BRD4: variants seen among roughly 807,000 people sequenced by gnomAD.
BRD4 encodes the protein bromodomain-containing protein 4.
In BRD4, 16 loss-of-function variants were observed where a neutral mutation model predicts 142.1. The observed-to-expected ratio is 0.11, with a 90% CI of 0.08 to 0.17. BRD4 has a LOEUF of 0.17. BRD4 is among the 10% of genes least tolerant of loss of function. The pLI is 1.00. For missense variants in BRD4, 1,424 were observed against 1,810.9 expected (o/e 0.79, Z 3.88); for synonymous variants, 833 against 707.5 (o/e 1.18, Z -2.82).
intron 11 of BRD4, among the ~76,000 whole-genome samples, chr19:15,250,186 C>A (rs888000006): frequency 6.6e-6 from 1 of 152,226 alleles, no homozygotes; most frequent in Non-Finnish European, 1.5e-5. Flanking sequence ...CGCCCTCACC[C>A]GCCCATGAAG....
chr19:15,286,821 T>G (rs2047743639), intron 1 of BRD4, among the ~76,000 whole-genome samples: 1 of 152,198 alleles, frequency 6.6e-6, no homozygotes, highest in African/African-American at 2.4e-5. Flanking sequence ...AAGTAAAAAT[T>G]CATTTCCTCG....
At position 15,324,394 on chromosome 19, in the gene BRD4, T is replaced by C. The variant is rs189891636; in HGVS notation, c.-35+7896A>G. 2.0e-4 allele frequency among the ~76,000 whole-genome samples: 30 copies of C among 152,332 alleles called. No individual in the cohort carries two copies. The East Asian group carries it at 5.4e-3, about 27-fold the overall frequency. ...AAAAGGCAACCTTTGTGGAACCGGA[T>C]CCCAATGACGCCTAGTAAGTAACTG... On this transcript the variant is annotated intron_variant, in intron 1 of 19. Coordinates refer to ENST00000679869, the MANE Select transcript of BRD4 (RefSeq NM_001379291.1).
At chr19:15,309,778 T>C (rs978040528) in intron 1 of BRD4, among the ~76,000 whole-genome samples, 1 of 152,104 alleles carries the variant, frequency 6.6e-6, no homozygotes, top group Non-Finnish European at 1.5e-5. Context: ...AACCGGGTAG[T>C]GTGGCAATCA....
chr19:15,299,215 T>C (rs1366887042), intron 1 of BRD4, among the ~76,000 whole-genome samples: 2 of 152,126 alleles, frequency 1.3e-5, no homozygotes, highest in African/African-American at 4.8e-5. Flanking sequence ...GCCCCATCAC[T>C]CTATGAGAAG....
At chr19:15,278,728 A>C (rs1463489706) in intron 1 of BRD4, among the ~76,000 whole-genome samples, 1 of 152,084 alleles carries the variant, frequency 6.6e-6, no homozygotes, top group Non-Finnish European at 1.5e-5. Flanking sequence ...TCACAGAAAA[A>C]ACTGAGACGT....
chr19:15,300,279 C>T (rs1176599303), intron 1 of BRD4, among the ~76,000 whole-genome samples: 3 of 151,870 alleles, frequency 2.0e-5, no homozygotes, highest in East Asian at 1.9e-4. Context: ...ACCTATGTGT[C>T]GGCTGGGTGT....
In BRD4 at chr19:15,263,338, T is replaced by A. The variant is rs564751282; in HGVS notation, c.1341+82A>T. On this transcript the variant is annotated intron_variant, in intron 7 of 19. Coordinates refer to ENST00000679869, the MANE Select transcript of BRD4 (RefSeq NM_001379291.1). ...CAAGGAAAGTGACAGAAAAAAAAAC[T>A]CTGCCAAGGCCCACAGAAGTCTGCT... The A allele has an allele frequency of 8.6e-6, 13 of 1,504,568 alleles. No individual in the cohort carries two copies. The East Asian group carries it at 2.5e-4, about 29-fold the overall frequency. 93.2% of individuals were successfully genotyped at this position (1,504,568 alleles called of 1,614,324 possible).
intron 11 of BRD4, 101 bp from the exon 12 acceptor site, chr19:15,244,863 G>T: frequency 1.3e-6 from 2 of 1,590,316 alleles, no homozygotes; most frequent in Non-Finnish European, 8.5e-7. Flanking sequence ...TCAGGAGAAG[G>T]ACCAGTGACC....
At chr19:15,330,699 A>G (rs374923612) in intron 1 of BRD4, among the ~76,000 whole-genome samples, 1 of 152,306 alleles carries the variant, frequency 6.6e-6, no homozygotes, top group Admixed American at 6.5e-5. Flanking sequence ...CCCAGGAGGC[A>G]GAGGTTGCAG....
At chr19:15,280,710 A>G (rs1448290202) in intron 1 of BRD4, among the ~76,000 whole-genome samples, 1 of 152,192 alleles carries the variant, frequency 6.6e-6, no homozygotes, top group African/African-American at 2.4e-5. Flanking sequence ...ACAGCCCCTC[A>G]TGAAATCACA....
chr19:15,305,021 AT>A, intron 1 of BRD4, among the ~76,000 whole-genome samples: 1 of 142,658 alleles, frequency 7.0e-6, no homozygotes, highest in East Asian at 2.0e-4. Context: ...AATTAAGACC[AT>A]CTTTTTTTTT....
At chr19:15,296,066 C>T (rs1019761565) in intron 1 of BRD4, among the ~76,000 whole-genome samples, 4 of 152,090 alleles carry the variant, frequency 2.6e-5, no homozygotes, top group African/African-American at 9.7e-5. Context: ...CCATCCTGGC[C>T]AACATGGTGA....
chr19:15,306,351 C>A (rs970897086), intron 1 of BRD4, among the ~76,000 whole-genome samples: 5 of 152,186 alleles, frequency 3.3e-5, no homozygotes, highest in Non-Finnish European at 7.3e-5. Flanking sequence ...TCGCTGCAGC[C>A]TCAACCTCCT....
At chr19:15,253,596 G>A (rs750412959) in intron 11 of BRD4, 2 of 1,591,040 alleles carry the variant, frequency 1.3e-6, no homozygotes, top group Non-Finnish European at 1.7e-6. Flanking sequence ...ACTCTGGGGA[G>A]GGGTAGGCAA....
rs2145512348 is a variant in BRD4, at chr19:15,243,454, C to T, written c.2615G>A (p.Arg872Gln). The change falls in exon 14 of 20, where the codon CGG becomes CAG. Residue 872 changes from arginine (R) to glutamine (Q), a missense_variant. Physicochemically the swap from Arg to Gln is conservative, Grantham distance 43. Coordinates refer to ENST00000679869, the MANE Select transcript of BRD4 (RefSeq NM_001379291.1). ...CAGGGCAGCGGCTCGGTTGCTGGGC[C>T]GTGATGGCTGCTGGGGTAGTGCGTT... is the stretch of plus-strand genomic sequence containing the variant. ...LHNALPQQPS[R>Q]PSNRAAALPP... 4.4e-6 allele frequency: 7 copies of T among 1,573,244 alleles called. No homozygotes were observed. The highest frequency in any genetic ancestry group is 1.2e-5 in the South Asian group (1 of 84,566).
intron 1 of BRD4, among the ~76,000 whole-genome samples, chr19:15,285,549 A>ATTTTTTTTTCTTTTT (rs1443048521): frequency 4.9e-3 from 752 of 152,258 alleles, no homozygotes; most frequent in African/African-American, 0.017. Flanking sequence ...TGGGTGACAG[A>ATTTTTTTTTCTTTTT]GTGAGACCCC....
chr19:15,303,068 G>A (rs2047884935), intron 1 of BRD4, among the ~76,000 whole-genome samples: 1 of 151,678 alleles, frequency 6.6e-6, no homozygotes, highest in South Asian at 2.1e-4. Flanking sequence ...GTAAACCATG[G>A]TTCTGTGACT....
intron 2 of BRD4, among the ~76,000 whole-genome samples, chr19:15,269,705 A>G (rs1183664124): frequency 6.6e-6 from 1 of 152,146 alleles, no homozygotes; most frequent in Non-Finnish European, 1.5e-5. Context: ...AGCCTTCACA[A>G]TCCTTAGTTT....
chr19:15,332,071 G>A (rs2048166154), intron 1 of BRD4, among the ~76,000 whole-genome samples: 2 of 142,726 alleles, frequency 1.4e-5, no homozygotes, highest in Admixed American at 6.9e-5. Flanking sequence ...CCGCCGCCCC[G>A]ACACCAACGG....
Sources: gnomAD v4.1 joint callset for allele counts (sites outside exome capture counted in the v4.1 genomes callset) on GRCh38, gnomAD v4.1.1 for gene constraint, MANE v1.5 for transcripts, NCBI Gene and HGNC (gene_info 2026-07-23, HGNC 2026-07-21) for gene names.